The following TRANK1 variants were observed in gnomAD, a reference collection of about 807,000 sequenced individuals.
TRANK1 encodes the protein tetratricopeptide repeat and ankyrin repeat containing 1.
A neutral mutation model predicts 266.0 loss-of-function variants in TRANK1; 198 were observed. That is an observed-to-expected ratio of 0.74 (90% confidence interval 0.66 to 0.84). TRANK1 has a LOEUF of 0.84. Among genes scored for constraint, TRANK1 ranks in the 40% least tolerant of loss-of-function variants. The pLI is 0.00. For missense variants in TRANK1, 3,326 were observed against 3,634.6 expected (o/e 0.92, Z 2.18); for synonymous variants, 1,396 against 1,384.1 (o/e 1.01, Z -0.19).
chr3:36,889,920 G>C lies in TRANK1; in HGVS notation c.816C>G (p.Pro272=). Residue 272 remains proline (P), a synonymous_variant, in exon 8 of 24, where the codon CCC becomes CCG. Transcript: ENST00000645898. ...HLFRWLMDHK[P]EWKGRINQKD... ...TCTGGTTAATGCGGCCTTTCCACTC[G>C]GGCTTGTGATCCATTAACCACCGGA... 6.5e-7 allele frequency: 1 copy of C among 1,537,088 alleles called. No individual in the cohort carries two copies. Among genetic ancestry groups the C allele is most frequent in the Non-Finnish European group, 8.7e-7 (1 of 1,146,870 alleles).
intron 1 of TRANK1, among the ~76,000 whole-genome samples, chr3:36,924,733 C>A (rs181258250): frequency 6.6e-6 from 1 of 152,022 alleles, no homozygotes; most frequent in Admixed American, 6.6e-5. Context: ...GCCACCGGTG[C>A]GAAAGGCCAG....
intron 1 of TRANK1, among the ~76,000 whole-genome samples, chr3:36,925,197 T>A (rs1189725113): frequency 6.6e-6 from 1 of 152,228 alleles, no homozygotes; most frequent in Non-Finnish European, 1.5e-5. Flanking sequence ...ATTGAAAAGA[T>A]GGTTTCCAAC....
At chr3:36,853,847 C>T (rs984873591) in intron 13 of TRANK1, among the ~76,000 whole-genome samples, 2 of 152,070 alleles carry the variant, frequency 1.3e-5, no homozygotes, top group African/African-American at 2.4e-5. Context: ...GAGTTGTCAC[C>T]GTGGAGTGGG....
intron 3 of TRANK1, among the ~76,000 whole-genome samples, chr3:36,902,934 A>G (rs188339588): frequency 6.6e-6 from 1 of 152,228 alleles, no homozygotes; most frequent in Non-Finnish European, 1.5e-5. Context: ...CACATGCCCC[A>G]TGGGCATCTG....
intron 8 of TRANK1, among the ~76,000 whole-genome samples, chr3:36,882,673 C>T (rs1162936837): frequency 6.6e-6 from 1 of 152,024 alleles, no homozygotes; most frequent in Non-Finnish European, 1.5e-5. Flanking sequence ...AACCAAATTG[C>T]ATGACAAAAA....
At chr3:36,902,752 C>T (rs548335997) in intron 3 of TRANK1, among the ~76,000 whole-genome samples, 9 of 152,294 alleles carry the variant, frequency 5.9e-5, no homozygotes, top group East Asian at 1.9e-4. Flanking sequence ...AACTTGCGAA[C>T]GGCAAAGAAC....
intron 1 of TRANK1, among the ~76,000 whole-genome samples, chr3:36,933,137 G>A (rs1575333754): frequency 6.6e-6 from 1 of 151,542 alleles, no homozygotes; most frequent in East Asian, 1.9e-4. Context: ...CTAGCTCATT[G>A]CAGACACCCC....
chr3:36,865,956 GAC>G (rs2079211995), intron 9 of TRANK1, among the ~76,000 whole-genome samples: 1 of 149,982 alleles, frequency 6.7e-6, no homozygotes, highest in South Asian at 2.1e-4. Flanking sequence ...GAGAGAGAGA[GAC>G]AGAGAGAGAC....
intron 1 of TRANK1, among the ~76,000 whole-genome samples, chr3:36,933,248 C>G (rs535073885): frequency 6.6e-6 from 1 of 152,318 alleles, no homozygotes; most frequent in Non-Finnish European, 1.5e-5. Context: ...CTGAACCCAG[C>G]CAATGGGGAA....
At chr3:36,870,339 G>A (rs2079287807) in intron 9 of TRANK1, among the ~76,000 whole-genome samples, 1 of 152,044 alleles carries the variant, frequency 6.6e-6, no homozygotes, top group Admixed American at 6.5e-5. Flanking sequence ...CCCGGGAGAT[G>A]GAGGTTGCAG....
chr3:36,846,417 T>C lies in TRANK1; in HGVS notation c.5035-13A>G, dbSNP rs753081873. ...CTCCGTTGAGGAGCTAAAGATAACATTGAGGACAAAGATGATGAGCCATTT... is the reference window on the plus strand; with the variant it reads ...CTCCGTTGAGGAGCTAAAGATAACACTGAGGACAAAGATGATGAGCCATTT... On this transcript the variant is annotated splice_polypyrimidine_tract_variant and intron_variant, in intron 16 of 23. Transcript: ENST00000645898. 3.7e-6 allele frequency: 6 copies of C among 1,607,084 alleles called. No homozygotes were observed. Among genetic ancestry groups the C allele is most frequent in the Non-Finnish European group, 5.1e-6 (6 of 1,175,914 alleles).
At chr3:36,933,410 A>AT (rs112624876) in intron 1 of TRANK1, among the ~76,000 whole-genome samples, 2 of 152,232 alleles carry the variant, frequency 1.3e-5, no homozygotes, top group African/African-American at 2.4e-5. Flanking sequence ...TCTCCTTAGG[A>AT]TTTTGAATGT....
chr3:36,889,812 G>A lies in TRANK1; in HGVS notation c.907+17C>T. 1.3e-6 allele frequency: 2 copies of A among 1,528,270 alleles called. No homozygotes were observed. The highest frequency in any genetic ancestry group is 1.8e-6 in the Non-Finnish European group (2 of 1,142,784). 94.7% of individuals were successfully genotyped at this position (1,528,270 alleles called of 1,614,324 possible). On this transcript the variant is annotated intron_variant, in intron 8 of 23. Coordinates refer to ENST00000645898, the MANE Select transcript of TRANK1 (RefSeq NM_001329998.2). ...CAGCCAGCCACAGCGCACCCTCTGG[G>A]TAATGCCACTACTCACGCTTAACGA...
chr3:36,828,332 A>G lies in TRANK1; in HGVS notation c.8853T>C (p.Phe2951=), dbSNP rs2078653869. 2 of 1,608,288 alleles carry G rather than the reference A, an allele frequency of 1.2e-6. No homozygotes were observed. The highest frequency in any genetic ancestry group is 1.3e-5 in the African/African-American group (1 of 74,926). The change falls in exon 24 of 24, where the codon TTT becomes TTC. Residue 2951 remains phenylalanine, a synonymous_variant. Coordinates refer to ENST00000645898, the MANE Select transcript of TRANK1 (RefSeq NM_001329998.2). ...EDDYENEVED[F]GELRPRRRSR... ...AACGCCTTCTAGGCCGAAGCTCACC[A>G]AAGTCTTCAACTTCATTTTCATAAT... is the stretch of plus-strand genomic sequence containing the variant.
At chr3:36,936,786 G>A (rs990124346) in intron 1 of TRANK1, among the ~76,000 whole-genome samples, 3 of 152,084 alleles carry the variant, frequency 2.0e-5, no homozygotes, top group African/African-American at 7.2e-5. Context: ...ACCAAGCCAG[G>A]AAAATGCTCA....
intron 1 of TRANK1, among the ~76,000 whole-genome samples, chr3:36,909,539 G>A: frequency 6.6e-6 from 1 of 152,170 alleles, no homozygotes; most frequent in Non-Finnish European, 1.5e-5. Context: ...GGTAGGGTAG[G>A]TCTTAAATAT....
chr3:36,859,756 T>C (rs1191774549), intron 11 of TRANK1, among the ~76,000 whole-genome samples: 1 of 152,166 alleles, frequency 6.6e-6, no homozygotes, highest in Non-Finnish European at 1.5e-5. Context: ...ATGTGCTCTA[T>C]AAGTGCTTGC....
At chr3:36,887,565 C>T (rs772191599) in intron 8 of TRANK1, among the ~76,000 whole-genome samples, 54 of 152,224 alleles carry the variant, frequency 3.5e-4, no homozygotes, top group Non-Finnish European at 6.2e-4. Context: ...ATGGCCCACA[C>T]AAATTCGTAA....
chr3:36,898,590 A>G (rs1043276872), intron 4 of TRANK1, among the ~76,000 whole-genome samples: 1 of 152,042 alleles, frequency 6.6e-6, no homozygotes, highest in East Asian at 1.9e-4. Context: ...GGTGGCTCAC[A>G]CCTGTAATCC....
Sources: gnomAD v4.1 joint callset for allele counts (sites outside exome capture counted in the v4.1 genomes callset) on GRCh38, gnomAD v4.1.1 for gene constraint, MANE v1.5 for transcripts, NCBI Gene and HGNC (gene_info 2026-07-23, HGNC 2026-07-21) for gene names.